PDK3: variants seen among roughly 807,000 people sequenced by gnomAD.
The protein encoded by PDK3 is pyruvate dehydrogenase kinase 3.
A neutral mutation model predicts 32.0 loss-of-function variants in PDK3; 12 were observed. That is an observed-to-expected ratio of 0.37 (90% CI 0.24 to 0.61). The LOEUF is 0.61. Among genes scored for constraint, PDK3 ranks in the 20% least tolerant of loss-of-function variants. The probability of loss-of-function intolerance (pLI) is 0.65; values close to 1 mark genes in which losing one functional copy is unlikely to be tolerated. For missense variants in PDK3, 188 were observed against 316.9 expected (o/e 0.59, Z 3.09); for synonymous variants, 122 against 116.3 (o/e 1.05, Z -0.31).
rs933446737 is a variant in PDK3, at chrX:24,534,245, G to A, written c.*173G>A. On this transcript the variant is annotated 3_prime_UTR_variant, in exon 11 of 11. Transcript: ENST00000379162. The stretch of plus-strand genomic sequence containing the variant: ...AAGTTTGCAGTTTGTCCTCATAAAC[G>A]TTGTAGGTTGAAACTGAAAAATAAG... 2.7e-5 allele frequency: 26 copies of A among 955,867 alleles called. No individual in the cohort carries two copies. Among genetic ancestry groups the A allele is most frequent in the African/African-American group, 4.0e-5 (2 of 50,410 alleles). 78.8% of individuals were successfully genotyped at this position (955,867 alleles called of 1,213,427 possible).
chrX:24,470,708 A>AAG (rs1443295104), intron 1 of PDK3, among the ~76,000 whole-genome samples: 3 of 79,619 alleles, frequency 3.8e-5, no homozygotes, highest in Admixed American at 1.3e-4. Flanking sequence ...AAAAAAAAAA[A>AAG]AAGAAGAAAA....
intron 5 of PDK3, among the ~76,000 whole-genome samples, chrX:24,510,169 T>G (rs1257096577): frequency 8.9e-6 from 1 of 112,482 alleles, no homozygotes. Flanking sequence ...AATTCATAGA[T>G]GTAAGTGATA....
chrX:24,504,254 T>C (rs919813098), intron 4 of PDK3, among the ~76,000 whole-genome samples: 5 of 112,502 alleles, frequency 4.4e-5, no homozygotes, highest in Middle Eastern at 9.2e-3. Flanking sequence ...TATAGAACTA[T>C]TAAATGTGGC....
Position 24,482,445 on chromosome X carries a change from A to C in PDK3, c.107-12297A>C, listed in dbSNP as rs145925959. 4.3e-3 allele frequency among the ~76,000 whole-genome samples: 486 copies of C among 111,843 alleles called. 3 individuals carry two copies. Among genetic ancestry groups the C allele is most frequent in the Non-Finnish European group, 6.4e-3 (340 of 53,166 alleles). On this transcript the variant is annotated intron_variant, in intron 1 of 10. Transcript: ENST00000379162. ...AGCTGGTCTCGAACTCCTGACCTCAAGTAATCTGCCCGCCTTGGCCTCTCA... is the reference window on the plus strand; with the variant it reads ...AGCTGGTCTCGAACTCCTGACCTCACGTAATCTGCCCGCCTTGGCCTCTCA...
intron 6 of PDK3, among the ~76,000 whole-genome samples, chrX:24,524,699 A>G (rs1922481162): frequency 8.9e-6 from 1 of 111,965 alleles, no homozygotes; most frequent in Non-Finnish European, 1.9e-5. Context: ...GGGTTACAGA[A>G]CAGAATGTAA....
intron 2 of PDK3, among the ~76,000 whole-genome samples, chrX:24,496,558 C>T (rs1921706919): frequency 3.7e-5 from 2 of 53,595 alleles, no homozygotes; most frequent in Non-Finnish European, 7.6e-5. Flanking sequence ...TGTCCTGATA[C>T]TACCCCCATC....
At chrX:24,522,298 C>T (rs1278432785) in intron 6 of PDK3, among the ~76,000 whole-genome samples, 2 of 110,959 alleles carry the variant, frequency 1.8e-5, no homozygotes, top group Non-Finnish European at 3.8e-5. Flanking sequence ...TAACAGCCAG[C>T]CTCGAGACCC....
intron 1 of PDK3, among the ~76,000 whole-genome samples, chrX:24,473,858 T>G (rs1430346461): frequency 8.9e-6 from 1 of 112,168 alleles, no homozygotes; most frequent in African/African-American, 3.2e-5. Flanking sequence ...TGGTGGCTCC[T>G]TGTTATATTT....
downstream of PDK3, among the ~76,000 whole-genome samples, chrX:24,536,561 C>T (rs1369921722): frequency 1.8e-5 from 2 of 111,537 alleles, no homozygotes; most frequent in Non-Finnish European, 3.8e-5. Context: ...TGTTAAAAGC[C>T]ACCTTAAATG....
At chrX:24,474,263 C>T (rs1430916389) in intron 1 of PDK3, among the ~76,000 whole-genome samples, 2 of 111,603 alleles carry the variant, frequency 1.8e-5, no homozygotes, top group African/African-American at 6.5e-5. Context: ...GCTTCCTCAG[C>T]TCAGCTTGCT....
intron 6 of PDK3, among the ~76,000 whole-genome samples, chrX:24,519,313 A>G (rs896828682): frequency 9.1e-6 from 1 of 110,424 alleles, no homozygotes; most frequent in South Asian, 3.8e-4. Flanking sequence ...ACATATGGAA[A>G]AGTGTTTAAC....
At chrX:24,522,851 A>G (rs1375002130) in intron 6 of PDK3, among the ~76,000 whole-genome samples, 1 of 109,319 alleles carries the variant, frequency 9.1e-6, no homozygotes, top group Non-Finnish European at 1.9e-5. Flanking sequence ...GGTTGCAGTG[A>G]GCTGAAATTG....
chrX:24,513,594 G>A (rs1387514455), intron 5 of PDK3: 1 of 116,680 alleles, frequency 8.6e-6, no homozygotes, highest in Non-Finnish European at 1.8e-5. Flanking sequence ...AGATGATGCA[G>A]AAGCGATTCA....
intron 1 of PDK3, among the ~76,000 whole-genome samples, chrX:24,482,907 A>G (rs1201523352): frequency 8.9e-6 from 1 of 112,335 alleles, no homozygotes; most frequent in East Asian, 2.8e-4. Flanking sequence ...TAATCATAGG[A>G]TGGTTGCATT....
chrX:24,519,412 C>T (rs780619944), intron 6 of PDK3, among the ~76,000 whole-genome samples: 6 of 102,149 alleles, frequency 5.9e-5, no homozygotes, highest in South Asian at 4.9e-4. Context: ...TTCTGTTGCC[C>T]GGGTTGGAGT....
exon 12 of PDK3, chrX:24,549,132 G>A (rs186157457): frequency 1.8e-5 from 2 of 111,388 alleles, no homozygotes; most frequent in East Asian, 5.6e-4. Context: ...GTCACTTTAG[G>A]GATTTGACAA....
chrX:24,535,693 C>A (rs1251262828), downstream of PDK3, among the ~76,000 whole-genome samples: 2 of 109,084 alleles, frequency 1.8e-5, no homozygotes, highest in Admixed American at 2.0e-4. Context: ...TTACACTATT[C>A]ATACTATTTT....
chrX:24,519,108 A>C (rs1922330583), intron 6 of PDK3, 98 bp downstream of exon 6: 3 of 505,313 alleles, frequency 5.9e-6, no homozygotes, highest in Non-Finnish European at 9.8e-6. Context: ...AATTATACTG[A>C]TTTTTCATTT....
At chrX:24,526,531 C>T (rs1156716900) in intron 7 of PDK3, among the ~76,000 whole-genome samples, 2 of 111,700 alleles carry the variant, frequency 1.8e-5, no homozygotes, top group African/African-American at 6.5e-5. Context: ...ATGTAAAATC[C>T]ATACTGTTTT....
Sources: allele counts gnomAD v4.1 joint callset (sites outside exome capture counted in the v4.1 genomes callset), GRCh38; gene constraint gnomAD v4.1.1; transcripts MANE v1.5; gene names NCBI Gene and HGNC (gene_info 2026-07-23, HGNC 2026-07-21).